OTOF: variants seen among roughly 807,000 people sequenced by gnomAD.
OTOF encodes fer-1-like family member 2.
In OTOF, 218 loss-of-function variants were observed where a neutral mutation model predicts 236.8. The observed-to-expected ratio is 0.92, with a 90% CI of 0.82 to 1.03. OTOF has a LOEUF of 1.03. Ranked by LOEUF, OTOF falls within the 50% of genes least tolerant of loss-of-function variation. The pLI is 0.00. For missense variants in OTOF, 2,590 were observed against 2,694.4 expected (o/e 0.96, Z 0.86); for synonymous variants, 1,041 against 1,072.5 (o/e 0.97, Z 0.57).
chr2:26,475,537 G>A (rs1197573016), intron 24 of OTOF, 44 bp from the exon 25 acceptor site: 6 of 1,603,944 alleles, frequency 3.7e-6, no homozygotes, highest in Non-Finnish European at 4.3e-6. Flanking sequence ...GACAGAGGGG[G>A]GGGCAGATGC....
intron 5 of OTOF, chr2:26,510,735 TTC>T (rs1666364979): frequency 7.8e-7 from 1 of 1,289,226 alleles, no homozygotes; most frequent in African/African-American, 1.5e-5. Context: ...TCCCTTGGTC[TTC>T]TCTCTGCCTT....
intron 9 of OTOF, among the ~76,000 whole-genome samples, chr2:26,494,657 G>T (rs1310572002): frequency 4.2e-5 from 2 of 47,948 alleles, no homozygotes; most frequent in Non-Finnish European, 6.9e-5. Flanking sequence ...GGAGTGGGGT[G>T]GGGGGGGGTT....
chr2:26,529,747 G>A (rs1467326549), intron 2 of OTOF, among the ~76,000 whole-genome samples: 4 of 151,306 alleles, frequency 2.6e-5, no homozygotes, highest in African/African-American at 7.3e-5. Context: ...GGAGGACCTG[G>A]CCTTGGCATG....
intron 2 of OTOF, among the ~76,000 whole-genome samples, 195 bp downstream of exon 2, chr2:26,537,521 T>G (rs916648471): frequency 6.6e-5 from 10 of 152,172 alleles, no homozygotes; most frequent in African/African-American, 1.9e-4. Context: ...CAGAGGTTTC[T>G]GGGGGGAACA....
chr2:26,499,216 C>T (rs1290065009), intron 8 of OTOF, among the ~76,000 whole-genome samples: 1 of 152,020 alleles, frequency 6.6e-6, no homozygotes, highest in East Asian at 1.9e-4. Flanking sequence ...TGGTTTCTTG[C>T]CTTGGAGATG....
rs1664416833 is a variant in OTOF at position 26,460,661 on chromosome 2, G to T, written c.5799C>A (p.Pro1933=). ...PVGLARNEPD[P]LEKPNRPDTS... Reference sequence around the variant, plus strand: ...AGGGCACTCACTTGGGTTTCTCTAGGGGGTCAGGTTCATTGCGGGCCAGGC... The same window carrying T: ...AGGGCACTCACTTGGGTTTCTCTAGTGGGTCAGGTTCATTGCGGGCCAGGC... The change falls in exon 45 of 47, where the codon CCC becomes CCA. Residue 1933 remains proline (P), a synonymous_variant. Coordinates refer to ENST00000272371, the MANE Select transcript of OTOF (RefSeq NM_194248.3). The surrounding 1 kb of genome is among the most constrained non-coding windows in gnomAD (Gnocchi z 5.3). 3.7e-6 allele frequency: 6 copies of T among 1,613,910 alleles called. No homozygotes were observed. The highest frequency in any genetic ancestry group is 5.1e-6 in the Non-Finnish European group (6 of 1,179,926).
chr2:26,507,934 G>A (rs1042719506), intron 5 of OTOF, among the ~76,000 whole-genome samples: 3 of 152,214 alleles, frequency 2.0e-5, no homozygotes, highest in Non-Finnish European at 2.9e-5. Flanking sequence ...ATTTAGAAGC[G>A]TGTTGCTGTG....
At chr2:26,529,145 G>A (rs754373769) in intron 2 of OTOF, among the ~76,000 whole-genome samples, 26 of 152,158 alleles carry the variant, frequency 1.7e-4, no homozygotes, top group Non-Finnish European at 3.2e-4. Context: ...GAGGGAAGGA[G>A]GATGGCCAGG....
At chr2:26,518,836 C>T (rs1202593863) in intron 4 of OTOF, among the ~76,000 whole-genome samples, 174 bp downstream of exon 4, 2 of 152,264 alleles carry the variant, frequency 1.3e-5, no homozygotes. Context: ...GGGCCTCCAG[C>T]CATGGCCACA....
intron 4 of OTOF, among the ~76,000 whole-genome samples, chr2:26,517,984 C>T (rs1207549186): frequency 6.6e-6 from 1 of 152,216 alleles, no homozygotes; most frequent in Non-Finnish European, 1.5e-5. Context: ...GCTTATTCTG[C>T]ACCCCTTCTC....
intron 1 of OTOF, among the ~76,000 whole-genome samples, chr2:26,550,177 G>A (rs1667424971): frequency 6.6e-6 from 1 of 151,988 alleles, no homozygotes; most frequent in African/African-American, 2.4e-5. Context: ...TGAAGTAAAA[G>A]AAAATAAAAT....
rs780944069 is a variant in OTOF at position 26,460,211 on chromosome 2, G to T, written c.5814-6C>A. The T allele has an allele frequency of 1.3e-6, 2 of 1,597,400 alleles. No homozygotes were observed. The highest frequency in any genetic ancestry group is 3.5e-5 in the Admixed American group (2 of 57,824). On this transcript the variant is annotated splice_region_variant and splice_polypyrimidine_tract_variant and intron_variant, in intron 45 of 46. Coordinates refer to ENST00000272371, the MANE Select transcript of OTOF (RefSeq NM_194248.3). This position sits in a 1 kb window ranked among gnomAD's most constrained non-coding sequence, Gnocchi z 5.3. ...TGAAGCTCGTGTCGGGCCGGCTGGA[G>T]TATGAAGGGTAGAGAGCGCAGAGGA...
At chr2:26,550,146 A>G (rs1453967113) in intron 1 of OTOF, among the ~76,000 whole-genome samples, 1 of 151,758 alleles carries the variant, frequency 6.6e-6, no homozygotes, top group African/African-American at 2.4e-5. Flanking sequence ...TCTCCACCTC[A>G]GCAGATTAGC....
intron 3 of OTOF, among the ~76,000 whole-genome samples, chr2:26,525,000 G>A (rs1310911211): frequency 6.6e-6 from 1 of 152,212 alleles, no homozygotes; most frequent in East Asian, 1.9e-4. Context: ...TGGTCTGTGT[G>A]TGAGCCTTCC....
intron 1 of OTOF, among the ~76,000 whole-genome samples, chr2:26,552,840 C>T (rs766232482): frequency 2.6e-5 from 4 of 152,148 alleles, no homozygotes; most frequent in African/African-American, 4.8e-5. Flanking sequence ...CTGCCAAGGT[C>T]GTCGTAAGGG....
chr2:26,496,534 C>T (rs1044811377), intron 8 of OTOF, among the ~76,000 whole-genome samples: 1 of 152,074 alleles, frequency 6.6e-6, no homozygotes, highest in East Asian at 1.9e-4. Flanking sequence ...GCCACTGTGA[C>T]CAGCCAATTA....
Position 26,503,755 on chromosome 2 carries a change from C to A in OTOF, c.583+17G>T, listed in dbSNP as rs367937378. On this transcript the variant is annotated intron_variant, in intron 6 of 46. Transcript: ENST00000272371. ...GCGAGGCGCGGGGCTGCGGGGCTCA[C>A]GCGGCACCTGTCCTACCTGGTCTTT... is the stretch of plus-strand genomic sequence containing the variant. 1 of 1,610,882 alleles carries A rather than the reference C, an allele frequency of 6.2e-7. No individual in the cohort carries two copies. Among genetic ancestry groups the A allele is most frequent in the Non-Finnish European group, 8.5e-7 (1 of 1,177,208 alleles).
intron 3 of OTOF, among the ~76,000 whole-genome samples, chr2:26,520,330 G>A (rs77195679): frequency 0.027 from 4,066 of 152,116 alleles, 180 homozygotes; most frequent in African/African-American, 0.092. Context: ...TGGTAGATCT[G>A]GGTGAGGTGA....
chr2:26,543,797 A>C (rs1371687480), intron 1 of OTOF, among the ~76,000 whole-genome samples: 1 of 152,112 alleles, frequency 6.6e-6, no homozygotes, highest in African/African-American at 2.4e-5. Flanking sequence ...GCTCACTGCA[A>C]CCTCCACCTC....
Sources: gnomAD v4.1 joint callset for allele counts (sites outside exome capture counted in the v4.1 genomes callset) on GRCh38, gnomAD v4.1.1 for gene constraint, Gnocchi (gnomAD v3.1) non-coding constraint, MANE v1.5 for transcripts, NCBI Gene and HGNC (gene_info 2026-07-23, HGNC 2026-07-21) for gene names.